The following NALF1 variants were observed in gnomAD, a reference collection of about 807,000 sequenced individuals.
NALF1 encodes family with sequence similarity 155 member A.
A neutral mutation model predicts 48.4 loss-of-function variants in NALF1; 3 were observed. That is an observed-to-expected ratio of 0.06 (90% CI 0.03 to 0.16). The LOEUF (loss-of-function observed/expected upper bound fraction) is 0.16, where lower values mean the gene tolerates loss of function less well. NALF1 is among the 10% of genes least tolerant of loss of function. The probability of loss-of-function intolerance (pLI) is 1.00; values close to 1 mark genes in which losing one functional copy is unlikely to be tolerated. For synonymous variants in NALF1, 262 were observed against 245.7 expected, an observed-to-expected ratio of 1.07 and a Z score of -0.62; for missense variants, 526 against 571.5, an observed-to-expected ratio of 0.92 and a Z score of 0.81.
At chr13:107,636,686 A>AAT (rs1879984798) in intron 1 of NALF1, among the ~76,000 whole-genome samples, 1 of 152,006 alleles carries the variant, frequency 6.6e-6, no homozygotes, top group African/African-American at 2.4e-5. Context: ...TATTATTTAA[A>AAT]TCAGTCTTAA....
At chr13:107,776,053 A>T (rs1403880396) in intron 1 of NALF1, among the ~76,000 whole-genome samples, 3 of 152,218 alleles carry the variant, frequency 2.0e-5, no homozygotes, top group African/African-American at 7.2e-5. Context: ...AGCAAGAGGG[A>T]AAGAGGACAT....
chr13:107,184,452 G>A (rs1879131430), intron 2 of NALF1, among the ~76,000 whole-genome samples: 1 of 151,940 alleles, frequency 6.6e-6, no homozygotes, highest in African/African-American at 2.4e-5. Flanking sequence ...CTTAGTCTCT[G>A]CCTTGGACTT....
At chr13:107,232,470 C>G (rs1020226187) in intron 1 of NALF1, among the ~76,000 whole-genome samples, 1 of 152,142 alleles carries the variant, frequency 6.6e-6, no homozygotes, top group Non-Finnish European at 1.5e-5. Context: ...TGTTGATTCT[C>G]CTTAACCAAC....
chr13:107,714,566 T>C (rs1299433519), intron 1 of NALF1, among the ~76,000 whole-genome samples: 2 of 145,350 alleles, frequency 1.4e-5, no homozygotes, highest in East Asian at 2.1e-4. Context: ...ACTTGGGAGG[T>C]TGCAGTGAGC....
At chr13:107,832,600 C>G (rs1879772250) in intron 1 of NALF1, among the ~76,000 whole-genome samples, 1 of 152,160 alleles carries the variant, frequency 6.6e-6, no homozygotes, top group African/African-American at 2.4e-5. Context: ...CCACCTGCTG[C>G]TCACTTGCCT....
intron 1 of NALF1, among the ~76,000 whole-genome samples, chr13:107,473,424 C>T (rs1237703985): frequency 2.0e-5 from 3 of 152,112 alleles, no homozygotes; most frequent in African/African-American, 4.8e-5. Flanking sequence ...GTGTTCTCCG[C>T]GTTCTCCACC....
At chr13:107,548,579 A>T (rs1231660521) in intron 1 of NALF1, among the ~76,000 whole-genome samples, 1 of 152,020 alleles carries the variant, frequency 6.6e-6, no homozygotes, top group Non-Finnish European at 1.5e-5. Flanking sequence ...TTACAGTCCC[A>T]CCCACAATGT....
intron 1 of NALF1, among the ~76,000 whole-genome samples, chr13:107,744,496 C>G (rs1876728775): frequency 6.6e-6 from 1 of 152,184 alleles, no homozygotes; most frequent in Non-Finnish European, 1.5e-5. Context: ...TATGCAGTTT[C>G]TCAGCCTGGA....
intron 1 of NALF1, among the ~76,000 whole-genome samples, chr13:107,703,409 T>G (rs1236370368): frequency 6.9e-6 from 1 of 144,396 alleles, no homozygotes; most frequent in Admixed American, 7.2e-5. Context: ...GTCACCCAGC[T>G]GGAGTGCAAT....
chr13:107,624,094 A>G (rs931796619), intron 1 of NALF1, among the ~76,000 whole-genome samples: 1 of 152,184 alleles, frequency 6.6e-6, no homozygotes, highest in Admixed American at 6.5e-5. Context: ...TAGCTTCCTG[A>G]TGGAGAATAA....
intron 1 of NALF1, among the ~76,000 whole-genome samples, chr13:107,743,590 G>A (rs546116669): frequency 1.3e-5 from 2 of 152,320 alleles, no homozygotes; most frequent in East Asian, 1.9e-4. Flanking sequence ...ACACCTTCCC[G>A]AGTCAGTTGC....
chr13:107,176,315 AGTTT>A (rs1878926530), intron 2 of NALF1, among the ~76,000 whole-genome samples: 3 of 38,830 alleles, frequency 7.7e-5, no homozygotes, highest in Admixed American at 6.8e-4. Context: ...CCAACCTCAC[AGTTT>A]TTTTTTTTTT....
intron 1 of NALF1, among the ~76,000 whole-genome samples, chr13:107,711,417 C>T (rs1211354916): frequency 6.6e-6 from 1 of 152,226 alleles, no homozygotes; most frequent in Admixed American, 6.5e-5. Flanking sequence ...CTCACAGCAA[C>T]CTCCACCTCC....
intron 1 of NALF1, among the ~76,000 whole-genome samples, chr13:107,449,007 G>A (rs1277167324): frequency 6.6e-6 from 1 of 152,162 alleles, no homozygotes; most frequent in Non-Finnish European, 1.5e-5. Flanking sequence ...ACTTTGGGAG[G>A]CCGAGGCGGG....
intron 1 of NALF1, among the ~76,000 whole-genome samples, chr13:107,759,895 G>C (rs531433545): frequency 5.9e-5 from 9 of 152,122 alleles, no homozygotes; most frequent in Admixed American, 5.9e-4. Flanking sequence ...AGCCCATCAA[G>C]ACAGCACCTT....
chr13:107,294,948 T>C (rs1019001264), intron 1 of NALF1, among the ~76,000 whole-genome samples: 3 of 152,158 alleles, frequency 2.0e-5, no homozygotes, highest in Non-Finnish European at 2.9e-5. Context: ...TTCTGATGGG[T>C]TGGAATCTTG....
chr13:107,649,220 T>C (rs1880387227), intron 1 of NALF1, among the ~76,000 whole-genome samples: 1 of 152,208 alleles, frequency 6.6e-6, no homozygotes. Context: ...GTTACTTTCC[T>C]TTTCATCCCA....
chr13:107,178,606 A>G (rs1055458728), intron 2 of NALF1, among the ~76,000 whole-genome samples: 7 of 152,170 alleles, frequency 4.6e-5, no homozygotes, highest in Non-Finnish European at 1.0e-4. Context: ...TGGGAATGAA[A>G]AGTAGTACAG....
At chr13:107,235,950 C>T (rs1013268789) in intron 1 of NALF1, among the ~76,000 whole-genome samples, 1 of 152,140 alleles carries the variant, frequency 6.6e-6, no homozygotes, top group African/African-American at 2.4e-5. Context: ...GCATTTTCTT[C>T]ACTTGTAAAC....
Sources: allele counts gnomAD v4.1 joint callset (sites outside exome capture counted in the v4.1 genomes callset), GRCh38; gene constraint gnomAD v4.1.1; transcripts MANE v1.5; gene names NCBI Gene and HGNC (gene_info 2026-07-23, HGNC 2026-07-21).